Variants in MBNL2 observed in about 807,000 individuals in gnomAD.
The protein encoded by MBNL2 is muscleblind-like protein 2.
MBNL2 carries 17 observed loss-of-function variants against 41.9 expected under a neutral mutation model. The ratio of observed to expected loss-of-function variants is 0.41; its 90% CI spans 0.28 to 0.61. The LOEUF (loss-of-function observed/expected upper bound fraction) is 0.61, where lower values mean the gene tolerates loss of function less well. Among genes scored for constraint, MBNL2 ranks in the 20% least tolerant of loss-of-function variants. The probability of loss-of-function intolerance (pLI) is 0.35; values close to 1 mark genes in which losing one functional copy is unlikely to be tolerated. For synonymous variants in MBNL2, 195 were observed against 182.9 expected, an observed-to-expected ratio of 1.07 and a Z score of -0.53; for missense variants, 336 against 505.6, an observed-to-expected ratio of 0.66 and a Z score of 3.22.
chr13:97,345,850 T>C (rs1490103964), intron 4 of MBNL2, among the ~76,000 whole-genome samples: 1 of 149,386 alleles, frequency 6.7e-6, no homozygotes, highest in African/African-American at 2.5e-5. Flanking sequence ...TAGCTTGATA[T>C]AGGTGAAATT....
At chr13:97,144,049 G>A in the MBNL2 span, among the ~76,000 whole-genome samples, 1 of 152,102 alleles carries the variant, frequency 6.6e-6, no homozygotes, top group East Asian at 1.9e-4. Flanking sequence ...TCACCACATT[G>A]ACCAGGCCAG....
At chr13:97,379,481 CG>C (rs1287115045) in intron 8 of MBNL2, among the ~76,000 whole-genome samples, 3 of 152,090 alleles carry the variant, frequency 2.0e-5, no homozygotes, top group African/African-American at 7.2e-5. Flanking sequence ...CTCAGGTAAA[CG>C]TAACAACACT....
the MBNL2 span, among the ~76,000 whole-genome samples, chr13:97,213,876 A>C: frequency 6.6e-6 from 1 of 151,246 alleles, no homozygotes; most frequent in Non-Finnish European, 1.5e-5. Flanking sequence ...TTTAAAGTCA[A>C]GATTGTCATC....
intron 1 of MBNL2, among the ~76,000 whole-genome samples, chr13:97,225,407 A>T (rs1161042958): frequency 6.6e-6 from 1 of 152,226 alleles, no homozygotes; most frequent in African/African-American, 2.4e-5. Flanking sequence ...TTATCAACAT[A>T]GAAATAGGTT....
At chr13:97,338,262 C>G (rs771144787) in intron 3 of MBNL2, among the ~76,000 whole-genome samples, 3 of 152,168 alleles carry the variant, frequency 2.0e-5, no homozygotes, top group South Asian at 2.1e-4. Flanking sequence ...CTGTCCATGT[C>G]TTAGTGCTTT....
intron 2 of MBNL2, among the ~76,000 whole-genome samples, chr13:97,297,956 TAAAC>T (rs10581568): frequency 0.45 from 67,422 of 151,498 alleles, 18,188 homozygotes; most frequent in East Asian, 0.59. Flanking sequence ...ATATAGAAAA[TAAAC>T]AAAATATTTC....
At chr13:97,236,836 A>T (rs946534346) in intron 1 of MBNL2, among the ~76,000 whole-genome samples, 13 of 152,228 alleles carry the variant, frequency 8.5e-5, no homozygotes, top group Non-Finnish European at 1.3e-4. Flanking sequence ...GACAGTAATA[A>T]TAACAGTTAC....
At chr13:97,218,413 A>C (rs9516873), upstream of MBNL2, among the ~76,000 whole-genome samples, 23,443 of 131,630 alleles carry the variant, frequency 0.18, 2,373 homozygotes, top group African/African-American at 0.33. Flanking sequence ...CTGTCTCAAA[A>C]AAAAACAAAA....
chr13:97,235,402 A>T (rs17301334), intron 1 of MBNL2, among the ~76,000 whole-genome samples: 5,000 of 152,320 alleles, frequency 0.033, 134 homozygotes, highest in South Asian at 0.11. Context: ...TCAATAATTG[A>T]TCAGAAAATG....
the MBNL2 span, among the ~76,000 whole-genome samples, chr13:97,189,672 G>T: frequency 1.3e-5 from 2 of 152,104 alleles, no homozygotes; most frequent in Non-Finnish European, 2.9e-5. Flanking sequence ...GTGTAAATGT[G>T]TATGCATATT....
the MBNL2 span, among the ~76,000 whole-genome samples, chr13:97,195,865 A>G: frequency 1.6e-4 from 25 of 152,242 alleles, no homozygotes; most frequent in African/African-American, 5.3e-4. Context: ...TTTTTTCTCT[A>G]ATGGTACAGC....
chr13:97,155,168 C>G, the MBNL2 span, among the ~76,000 whole-genome samples: 71,264 of 151,862 alleles, frequency 0.47, 19,955 homozygotes, highest in Non-Finnish European at 0.62. Flanking sequence ...CACACATGGA[C>G]TTTGGAATTT....
chr13:97,186,660 A>T, the MBNL2 span, among the ~76,000 whole-genome samples: 1 of 152,208 alleles, frequency 6.6e-6, no homozygotes, highest in East Asian at 1.9e-4. Context: ...TAAACACGGG[A>T]TCTGCCATCT....
chr13:97,388,467 TA>T (rs1566457292), intron 8 of MBNL2, among the ~76,000 whole-genome samples: 1 of 152,028 alleles, frequency 6.6e-6, no homozygotes, highest in Non-Finnish European at 1.5e-5. Context: ...AAAGCCATGT[TA>T]AAAACTAGAC....
the MBNL2 span, among the ~76,000 whole-genome samples, chr13:97,158,217 T>C: frequency 6.6e-6 from 1 of 151,910 alleles, no homozygotes; most frequent in Non-Finnish European, 1.5e-5. Flanking sequence ...TGGTAGTTTG[T>C]ATTTCTGTGG....
At chr13:97,165,031 C>T in the MBNL2 span, among the ~76,000 whole-genome samples, 1 of 152,122 alleles carries the variant, frequency 6.6e-6, no homozygotes. Flanking sequence ...TGGCAAAAAC[C>T]GATCTCTACT....
chr13:97,319,651 T>C (rs1236433497), intron 2 of MBNL2, among the ~76,000 whole-genome samples: 1 of 152,212 alleles, frequency 6.6e-6, no homozygotes, highest in Non-Finnish European at 1.5e-5. Flanking sequence ...CCTGCTAGAC[T>C]GAATGATTTT....
At chr13:97,378,174 T>C (rs1479367854) in intron 8 of MBNL2, among the ~76,000 whole-genome samples, 1 of 152,204 alleles carries the variant, frequency 6.6e-6, no homozygotes, top group Non-Finnish European at 1.5e-5. Context: ...AAACATTACT[T>C]GAAAATAATT....
chr13:97,355,310 C>T (rs771144466), intron 5 of MBNL2, among the ~76,000 whole-genome samples: 4 of 152,068 alleles, frequency 2.6e-5, no homozygotes. Context: ...ATAGCTCTCC[C>T]CTTATCCCCT....
Sources: allele counts gnomAD v4.1 joint callset (sites outside exome capture counted in the v4.1 genomes callset), GRCh38; gene constraint gnomAD v4.1.1; transcripts MANE v1.5; gene names NCBI Gene and HGNC (gene_info 2026-07-23, HGNC 2026-07-21).